SPEG: variants seen among roughly 807,000 people sequenced by gnomAD.
SPEG encodes striated muscle preferentially expressed protein kinase.
Under a neutral mutation model 300.4 loss-of-function variants are expected in SPEG, and 114 were observed. The observed-to-expected ratio is 0.38, with a 90% CI of 0.33 to 0.44. SPEG has a LOEUF of 0.44. Among genes scored for constraint, SPEG ranks in the 20% least tolerant of loss-of-function variants. The pLI, the probability that SPEG is intolerant of heterozygous loss-of-function variation, is 1.00. For missense variants in SPEG, 4,201 were observed against 4,586.2 expected, an observed-to-expected ratio of 0.92 and a Z score of 2.43; for synonymous variants, 1,964 against 2,018.9, an observed-to-expected ratio of 0.97 and a Z score of 0.73.
Position 219,488,536 on chromosome 2 carries a change from G to A in SPEG, c.7897G>A (p.Val2633Met), listed in dbSNP as rs754641174. ...SLRSEPSVIIVSCKDGRQLLS... is the reference protein window; with the variant it reads ...SLRSEPSVIIMSCKDGRQLLS... Reference sequence around the variant, plus strand: ...GAGGTCAGAGCCCTCAGTGATCATCGTGTCCTGCAAAGATGGGCGGCAGCT... The same window carrying A: ...GAGGTCAGAGCCCTCAGTGATCATCATGTCCTGCAAAGATGGGCGGCAGCT... The change falls in exon 33 of 41, where the codon GTG becomes ATG. Residue 2633 changes from valine to methionine, a missense_variant. Transcript: ENST00000312358. 9 of 1,604,440 alleles carry A rather than the reference G, an allele frequency of 5.6e-6. No individual in the cohort carries two copies. The highest frequency in any genetic ancestry group is 6.0e-6 in the Non-Finnish European group (7 of 1,175,472).
In SPEG at chr2:219,483,282, A is replaced by G; in HGVS notation, c.5819A>G (p.Gln1940Arg). 1 of 1,607,580 alleles carries G rather than the reference A, an allele frequency of 6.2e-7. No individual in the cohort carries two copies. The change falls in exon 30 of 41, where the codon CAG becomes CGG. Residue 1940 changes from glutamine to arginine, a missense_variant. Gln to Arg is a conservative substitution (Grantham distance 43). Coordinates refer to ENST00000312358, the MANE Select transcript of SPEG (RefSeq NM_005876.5). Reference sequence around the variant, plus strand: ...CTGCCCTCAGTGCCCCGCCCACTGCAGCCCGAGTTCTCTGGCTCCCGGGTG... The same window carrying G: ...CTGCCCTCAGTGCCCCGCCCACTGCGGCCCGAGTTCTCTGGCTCCCGGGTG... ...EELPSVPRPL[Q>R]PEFSGSRVSL... is the part of the protein sequence containing the mutation.
chr2:219,492,294 T>A (rs754413666), intron 40 of SPEG, 34 bp downstream of exon 40: 1 of 1,597,668 alleles, frequency 6.3e-7, no homozygotes, highest in South Asian at 1.1e-5. Flanking sequence ...TCCCCCAGTG[T>A]TACCTGCCCC....
In SPEG at chr2:219,493,258, C is replaced by T. The variant is rs953688080; in HGVS notation, c.*472C>T. 18 of 357,894 alleles carry T rather than the reference C, an allele frequency of 5.0e-5. No homozygotes were observed. The highest frequency in any genetic ancestry group is 8.8e-5 in the Non-Finnish European group (16 of 181,952). 22.2% of individuals were successfully genotyped at this position (357,894 alleles called of 1,614,324 possible). Reference sequence around the variant, plus strand: ...CAGGACACAGATACAGTGGCAGGGGCCCAGGGCTGGGACATGAGAGAAGGC... The same window carrying T: ...CAGGACACAGATACAGTGGCAGGGGTCCAGGGCTGGGACATGAGAGAAGGC... On this transcript the variant is annotated 3_prime_UTR_variant, in exon 41 of 41. Coordinates refer to ENST00000312358, the MANE Select transcript of SPEG (RefSeq NM_005876.5).
At position 219,473,640 on chromosome 2, in the gene SPEG, C is replaced by T. The variant is rs1692084307; in HGVS notation, c.4271+13C>T. 2.5e-6 allele frequency: 4 copies of T among 1,614,178 alleles called. No individual in the cohort carries two copies. The highest frequency in any genetic ancestry group is 3.4e-6 in the Non-Finnish European group (4 of 1,180,014). On this transcript the variant is annotated intron_variant, in intron 17 of 40. Coordinates refer to ENST00000312358, the MANE Select transcript of SPEG (RefSeq NM_005876.5). The surrounding 1 kb of genome is among the most constrained non-coding windows in gnomAD (Gnocchi z 4.6). ...TCGTCTGGAGGAGGTGGGCCCCTTTCCCACATGTGGCAGCCCAGGTCTGGC... is the reference window on the plus strand; with the variant it reads ...TCGTCTGGAGGAGGTGGGCCCCTTTTCCACATGTGGCAGCCCAGGTCTGGC...
At chr2:219,453,992 G>A (rs1008905140) in intron 6 of SPEG, among the ~76,000 whole-genome samples, 1 of 152,228 alleles carries the variant, frequency 6.6e-6, no homozygotes, top group African/African-American at 2.4e-5. Flanking sequence ...GGAGCAGGTA[G>A]AGGGAGGCAG....
chr2:219,448,636 G>A lies in SPEG; in HGVS notation c.1478G>A (p.Arg493His), dbSNP rs1180902816. 6.7e-7 allele frequency: 1 copy of A among 1,484,730 alleles called. No homozygotes were observed. The highest frequency in any genetic ancestry group is 1.5e-5 in the African/African-American group (1 of 68,346). The allele number at this position is 1,484,730 out of a possible 1,614,324, so 92.0% of individuals were successfully genotyped here. A position where few individuals can be genotyped will look rare whatever the true frequency, so the allele number is the denominator to read the frequency against. ...AGCCCGGCCTCAGACCTCGAGCTGC[G>A]CTTCGCCCAGGAGCTGGGCCGCATC... ...QRSPASDLELRFAQELGRIRR... is the reference protein window; with the variant it reads ...QRSPASDLELHFAQELGRIRR... The change falls in exon 4 of 41, where the codon CGC becomes CAC. Residue 493 changes from arginine (R) to histidine (H), a missense_variant. By Grantham distance (29) the Arg-to-His change is conservative (BLOSUM62 0). Transcript: ENST00000312358.
Position 219,460,717 on chromosome 2 carries a change from GTCTCGGCAGGCACCACCT to G in SPEG, c.2441-1162_2441-1145del, listed in dbSNP as rs530393722. 1,715 of 985,462 alleles carry G rather than the reference GTCTCGGCAGGCACCACCT, an allele frequency of 1.7e-3. 2 individuals are homozygous for G. Among genetic ancestry groups the G allele is most frequent in the Non-Finnish European group, 2.0e-3 (1,663 of 829,978 alleles). 61.0% of individuals were successfully genotyped at this position (985,462 alleles called of 1,614,324 possible). A position where few individuals can be genotyped will look rare whatever the true frequency, so the allele number is the denominator to read the frequency against. ...CACACCAGGGCCCAGGCTGCCTGTGGTCTCGGCAGGCACCACCTTCCTAGCCAGCTGCCTGCCGGCCTG... is the reference window on the plus strand; with the variant it reads ...CACACCAGGGCCCAGGCTGCCTGTGGTCCTAGCCAGCTGCCTGCCGGCCTG... On this transcript the variant is annotated intron_variant, in intron 6 of 40. Transcript: ENST00000312358.
chr2:219,469,824 TTCC>T (rs1219625554), intron 13 of SPEG, among the ~76,000 whole-genome samples: 1 of 152,150 alleles, frequency 6.6e-6, no homozygotes, highest in Non-Finnish European at 1.5e-5. Flanking sequence ...GCGGTGGTAC[TTCC>T]TGGAGACATT....
At position 219,481,279 on chromosome 2, in the gene SPEG, A is replaced by C; in HGVS notation, c.5370-25A>C. On this transcript the variant is annotated intron_variant, in intron 26 of 40. Coordinates refer to ENST00000312358, the MANE Select transcript of SPEG (RefSeq NM_005876.5). The surrounding 1 kb of genome is among the most constrained non-coding windows in gnomAD (Gnocchi z 5.4). ...TCCCCTTTGTCCCCGCCTGCCCCTC[A>C]TGACAGCCCTCTTCACCCCTGCAGT... is the stretch of plus-strand genomic sequence containing the variant. 6.2e-7 allele frequency: 1 copy of C among 1,609,814 alleles called. No individual in the cohort carries two copies. Among genetic ancestry groups the C allele is most frequent in the South Asian group, 1.1e-5 (1 of 90,674 alleles).
chr2:219,472,068 C>T, intron 14 of SPEG, 81 bp downstream of exon 14: 1 of 1,567,066 alleles, frequency 6.4e-7, no homozygotes, highest in African/African-American at 1.3e-5. Flanking sequence ...AAGGGGCCTC[C>T]ACCCAGCTCC....
intron 13 of SPEG, 60 bp downstream of exon 13, chr2:219,469,439 C>T (rs1691676105): frequency 7.6e-7 from 1 of 1,320,748 alleles, no homozygotes; most frequent in Non-Finnish European, 1.1e-6. Flanking sequence ...GCTTGCAATG[C>T]CCTGCCCCTC....
intron 6 of SPEG, chr2:219,461,476 A>G: frequency 3.8e-6 from 4 of 1,054,128 alleles, no homozygotes; most frequent in Non-Finnish European, 4.6e-6. Flanking sequence ...ATGCTGCTCC[A>G]GGGTTCCATA....
intron 6 of SPEG, chr2:219,461,261 G>A (rs977585661): frequency 3.0e-6 from 3 of 985,698 alleles, no homozygotes; most frequent in Non-Finnish European, 1.2e-6. Flanking sequence ...CCTATCCCTC[G>A]AGCGTTTGGG....
Position 219,468,931 on chromosome 2 carries a change from A to T in SPEG, c.3374A>T (p.His1125Leu). 1 of 1,613,918 alleles carries T rather than the reference A, an allele frequency of 6.2e-7. No individual in the cohort carries two copies. The highest frequency in any genetic ancestry group is 8.5e-7 in the Non-Finnish European group (1 of 1,179,980). Reference protein sequence around the residue: ...DGGLHSLHIAHVGSEDEGLYA... With the variant: ...DGGLHSLHIALVGSEDEGLYA... ...GGTCTGCACTCACTGCACATTGCCC[A>T]TGTGGGCAGCGAGGACGAGGGGCTC... Residue 1125 changes from histidine to leucine, a missense_variant, in exon 12 of 41, where the codon CAT becomes CTT. His to Leu is a moderately conservative substitution (Grantham distance 99, BLOSUM62 -3). This residue lies in a region of SPEG where 1,047 missense variants were observed against 1,356.8 expected (regional missense o/e 0.77). Coordinates refer to ENST00000312358, the MANE Select transcript of SPEG (RefSeq NM_005876.5).
Position 219,449,194 on chromosome 2 carries a change from C to T in SPEG, c.2036C>T (p.Pro679Leu). The T allele has an allele frequency of 7.2e-7, 1 of 1,394,532 alleles. No homozygotes were observed. Among genetic ancestry groups the T allele is most frequent in the Non-Finnish European group, 9.3e-7 (1 of 1,075,008 alleles). 86.4% of individuals were successfully genotyped at this position (1,394,532 alleles called of 1,614,324 possible). Residue 679 changes from proline (P) to leucine (L), a missense_variant, in exon 4 of 41, where the codon CCC (proline) becomes CTC (leucine). Around this residue, in one of 4 missense-constraint regions of SPEG, gnomAD observed 1,258 missense variants for 1,293.9 expected, o/e 0.97. Transcript: ENST00000312358. ...CGCAGAGGGCCGGAGGAGGACGGTCCCTGGGGGCCCTGGGACCGCCGAGGG... is the reference window on the plus strand; with the variant it reads ...CGCAGAGGGCCGGAGGAGGACGGTCTCTGGGGGCCCTGGGACCGCCGAGGG... Reference protein sequence around the residue: ...RLRRGPEEDGPWGPWDRRGAR... With the variant: ...RLRRGPEEDGLWGPWDRRGAR...
chr2:219,466,903 G>A, intron 9 of SPEG: 1 of 1,186,356 alleles, frequency 8.4e-7, no homozygotes. Context: ...CGATGTCTCT[G>A]CCACCACGTG....
Position 219,488,905 on chromosome 2 carries a change from G to A in SPEG, c.8149+5G>A. 3.8e-6 allele frequency: 6 copies of A among 1,583,842 alleles called. No individual in the cohort carries two copies. Among genetic ancestry groups the A allele is most frequent in the Non-Finnish European group, 5.2e-6 (6 of 1,164,900 alleles). ...CGCTGGAGCGGCGAGTGGATGGTGA[G>A]GATGGGGCAGCTGGAGGGTTGGGGG... On this transcript the variant is annotated splice_donor_5th_base_variant and intron_variant, in intron 34 of 40. Coordinates refer to ENST00000312358, the MANE Select transcript of SPEG (RefSeq NM_005876.5).
chr2:219,462,184 C>G, intron 7 of SPEG, 114 bp from the exon 8 acceptor site: 16 of 1,201,684 alleles, frequency 1.3e-5, no homozygotes, highest in Non-Finnish European at 1.8e-5. Context: ...AACCCTCTTA[C>G]CCAGAGCCAG....
intron 7 of SPEG, 75 bp downstream of exon 7, chr2:219,462,132 A>G (rs1315868347): frequency 7.9e-7 from 1 of 1,271,066 alleles, no homozygotes; most frequent in Admixed American, 2.4e-5. Context: ...TCTTGGGGCC[A>G]TGCCTAGGCA....
Sources: gnomAD v4.1 joint callset for allele counts (sites outside exome capture counted in the v4.1 genomes callset) on GRCh38, gnomAD v4.1.1 for gene constraint, gnomAD v4.1.1 regional missense constraint, Gnocchi (gnomAD v3.1) non-coding constraint, MANE v1.5 for transcripts, NCBI Gene and HGNC (gene_info 2026-07-23, HGNC 2026-07-21) for gene names.